CORO7: variants seen among roughly 807,000 people sequenced by gnomAD.
The protein encoded by CORO7 is coronin-7.
Under a neutral mutation model 126.6 loss-of-function variants are expected in CORO7, and 107 were observed. That is an observed-to-expected ratio of 0.85 (90% CI 0.72 to 0.99). The LOEUF (loss-of-function observed/expected upper bound fraction) is 0.99. Ranked by LOEUF, CORO7 falls within the 50% of genes least tolerant of loss-of-function variation. The pLI, the probability that CORO7 is intolerant of heterozygous loss-of-function variation, is 0.00. For synonymous variants in CORO7, 603 were observed against 536.8 expected, an observed-to-expected ratio of 1.12 and a Z score of -1.70; for missense variants, 1,314 against 1,255.8, an observed-to-expected ratio of 1.05 and a Z score of -0.70.
chr16:4,359,945 C>T (rs1425047687), intron 21 of CORO7, among the ~76,000 whole-genome samples: 1 of 137,652 alleles, frequency 7.3e-6, no homozygotes, highest in Non-Finnish European at 1.6e-5. Context: ...CCACTACCCC[C>T]AAAACATCCC....
At chr16:4,357,645 C>T (rs1375511791) in intron 25 of CORO7, 1 of 372,054 alleles carries the variant, frequency 2.7e-6, no homozygotes, top group Non-Finnish European at 4.8e-6. Flanking sequence ...CATGAGCCAC[C>T]GCGCCTGGCC....
chr16:4,382,921 TG>T, intron 9 of CORO7: 1 of 1,475,024 alleles, frequency 6.8e-7, no homozygotes, highest in Non-Finnish European at 9.0e-7. Flanking sequence ...ACAGGGCAGC[TG>T]GGGCCGGGCT....
intron 16 of CORO7, 191 bp from the exon 17 acceptor site, chr16:4,361,660 G>C: frequency 1.2e-6 from 1 of 814,352 alleles, no homozygotes; most frequent in Non-Finnish European, 2.0e-6. Flanking sequence ...AGGCCCCAGA[G>C]AGTGAGGGGG....
intron 25 of CORO7, 46 bp downstream of exon 25, chr16:4,357,922 C>T: frequency 6.4e-7 from 1 of 1,568,444 alleles, no homozygotes. Flanking sequence ...GTCCCTTTCT[C>T]CAACCCCCAT....
intron 8 of CORO7, among the ~76,000 whole-genome samples, 158 bp downstream of exon 8, chr16:4,388,387 C>G (rs2055268885): frequency 6.6e-6 from 1 of 152,194 alleles, no homozygotes; most frequent in Non-Finnish European, 1.5e-5. Flanking sequence ...GCCGTCAGTC[C>G]CCTGAGGCTC....
rs531122936 is a variant in CORO7, at chr16:4,414,781, C to G, written c.61-1377G>C. Among the ~76,000 whole-genome samples the G allele has an allele frequency of 2.0e-5, 3 of 152,328 alleles. No homozygotes were observed. The East Asian group carries it at 5.8e-4, about 29-fold the overall frequency. The stretch of plus-strand genomic sequence containing the variant: ...GGGCCCCTCAAGTATTCTCCAGACC[C>G]CTCCAAGCAGTACTTAACTGCACTC... On this transcript the variant is annotated intron_variant, in intron 1 of 27. Transcript: ENST00000251166.
At position 4,380,906 on chromosome 16, in the gene CORO7, C is replaced by T. The variant is rs192543506; in HGVS notation, c.785+7080G>A. The T allele has an allele frequency of 3.8e-5, 59 of 1,558,038 alleles. No homozygotes were observed. The highest frequency in any genetic ancestry group is 3.5e-4 in the Middle Eastern group (2 of 5,704). On this transcript the variant is annotated intron_variant, in intron 9 of 27. Transcript: ENST00000251166. ...TGCTCCAGGGTCCCTCTGCTGCTGC[C>T]GCTGCTCCTGCTACTGGCCCTGGGG...
intron 9 of CORO7, among the ~76,000 whole-genome samples, chr16:4,377,311 A>G (rs2054770771): frequency 2.3e-5 from 3 of 132,394 alleles, no homozygotes; most frequent in East Asian, 5.4e-4. Flanking sequence ...CTGCCTGACT[A>G]GTGATCAAAT....
chr16:4,366,394 G>A (rs1025334416), intron 9 of CORO7, among the ~76,000 whole-genome samples: 12 of 152,122 alleles, frequency 7.9e-5, no homozygotes, highest in Admixed American at 3.9e-4. Context: ...GGGCCCCTCA[G>A]AGACCCCTGC....
chr16:4,359,421 A>G (rs2054087273), intron 22 of CORO7, 36 bp from the exon 23 acceptor site: 2 of 1,613,320 alleles, frequency 1.2e-6, no homozygotes, highest in Non-Finnish European at 1.7e-6. Flanking sequence ...ACCCTCCGGC[A>G]ACACTGGCCT....
chr16:4,414,190 CA>C (rs61676929), intron 1 of CORO7: 74,573 of 114,622 alleles, frequency 0.65, 22,287 homozygotes, highest in Non-Finnish European at 0.7. Flanking sequence ...GACTCCATCT[CA>C]AAAAAAAAAA....
At chr16:4,370,062 C>T (rs189332835) in intron 9 of CORO7, among the ~76,000 whole-genome samples, 12 of 152,252 alleles carry the variant, frequency 7.9e-5, no homozygotes, top group East Asian at 7.7e-4. Flanking sequence ...GGGGTCTCTC[C>T]GTCTACAAGA....
intron 7 of CORO7, among the ~76,000 whole-genome samples, chr16:4,392,204 C>T (rs1413080571): frequency 1.3e-5 from 2 of 152,192 alleles, no homozygotes; most frequent in Non-Finnish European, 2.9e-5. Context: ...TTTCCCAGAA[C>T]AGCCTGGGCT....
intron 9 of CORO7, chr16:4,382,246 A>G: frequency 6.2e-7 from 1 of 1,607,614 alleles, no homozygotes; most frequent in Non-Finnish European, 8.5e-7. Flanking sequence ...TACACCAGTC[A>G]CGCCGAGGCC....
In CORO7 at chr16:4,360,858, GCCACTCCTCACTGCTGGCCCCA is replaced by G. The variant is rs1567246387; in HGVS notation, c.1917+63_1917+84del. The G allele has an allele frequency of 1.7e-4, 248 of 1,500,456 alleles. 1 individual carries two copies. The highest frequency in any genetic ancestry group is 8.6e-5 in the Non-Finnish European group (97 of 1,127,518). The allele number at this position is 1,500,456 out of a possible 1,614,324, so 92.9% of individuals were successfully genotyped here. A position where few individuals can be genotyped will look rare whatever the true frequency, so the allele number is the denominator to read the frequency against. Reference sequence around the variant, plus strand: ...CCTGCCTCTCCTCACTGCTGGCCCCGCCACTCCTCACTGCTGGCCCCACCTCTCCACACTGCTGGCCCCGCCT... The same window carrying G: ...CCTGCCTCTCCTCACTGCTGGCCCCGCCTCTCCACACTGCTGGCCCCGCCT... On this transcript the variant is annotated intron_variant, in intron 19 of 27. Transcript: ENST00000251166.
intron 9 of CORO7, among the ~76,000 whole-genome samples, chr16:4,372,609 A>G (rs919822656): frequency 2.0e-5 from 3 of 152,154 alleles, no homozygotes; most frequent in Admixed American, 2.0e-4. Flanking sequence ...CTGCCAGGGA[A>G]GGGGCTTTGC....
chr16:4,372,161 C>T (rs2054557811), intron 9 of CORO7, among the ~76,000 whole-genome samples: 1 of 151,924 alleles, frequency 6.6e-6, no homozygotes, highest in Non-Finnish European at 1.5e-5. Flanking sequence ...GCCCTGTACG[C>T]TCCCTCCCCC....
intron 4 of CORO7, 92 bp downstream of exon 4, chr16:4,408,089 C>G: frequency 6.3e-7 from 1 of 1,581,862 alleles, no homozygotes; most frequent in Non-Finnish European, 8.6e-7. Flanking sequence ...GACTGGGAGG[C>G]AGCAGAGCCC....
intron 9 of CORO7, among the ~76,000 whole-genome samples, chr16:4,365,986 G>A (rs562013555): frequency 1.3e-5 from 2 of 152,310 alleles, no homozygotes; most frequent in African/African-American, 2.4e-5. Flanking sequence ...GGCAGCATCC[G>A]GGAGCAGTGC....
Sources: gnomAD v4.1 joint callset for allele counts (sites outside exome capture counted in the v4.1 genomes callset) on GRCh38, gnomAD v4.1.1 for gene constraint, MANE v1.5 for transcripts, NCBI Gene and HGNC (gene_info 2026-07-23, HGNC 2026-07-21) for gene names.